Variants in SELP observed in about 807,000 individuals in gnomAD.
SELP encodes the protein P-selectin.
A neutral mutation model predicts 104.1 loss-of-function variants in SELP; 92 were observed. That is an observed-to-expected ratio of 0.88 (90% CI 0.75 to 1.05). The LOEUF is 1.05. Among genes scored for constraint, SELP ranks in the 50% least tolerant of loss-of-function variants. SELP has a pLI of 0.00. For synonymous variants in SELP, 397 were observed against 364.5 expected (o/e 1.09, Z -1.01); for missense variants, 1,022 against 1,017.3 (o/e 1.00, Z -0.06).
chr1:169,607,644 T>C (rs1442211383), intron 8 of SELP, among the ~76,000 whole-genome samples: 7 of 152,164 alleles, frequency 4.6e-5, no homozygotes, highest in Admixed American at 4.6e-4. Context: ...ATATACACCA[T>C]GATCTCAAAG....
At chr1:169,589,830 C>A (rs768811923) in intron 16 of SELP, among the ~76,000 whole-genome samples, 1 of 152,202 alleles carries the variant, frequency 6.6e-6, no homozygotes, top group African/African-American at 2.4e-5. Flanking sequence ...TTTCAGCAGT[C>A]CTGACTTCTG....
intron 9 of SELP, 96 bp from the exon 10 acceptor site, chr1:169,603,307 CTGTGTGTGTGTGTGTGTGTGTG>C (rs3035296): frequency 1.3e-5 from 8 of 605,690 alleles, no homozygotes; most frequent in African/African-American, 1.3e-4. Context: ...CTCTCTCTCT[CTGTGTGTGTGTGTGTGTGTGTG>C]TGTGTGTGTG....
chr1:169,607,351 A>G (rs1040941187), intron 8 of SELP, among the ~76,000 whole-genome samples: 2 of 152,212 alleles, frequency 1.3e-5, no homozygotes, highest in Non-Finnish European at 2.9e-5. Context: ...ACATGTGTCA[A>G]TAATTTTTAA....
chr1:169,614,361 T>C (rs1344186320), intron 3 of SELP, among the ~76,000 whole-genome samples: 1 of 152,066 alleles, frequency 6.6e-6, no homozygotes, highest in African/African-American at 2.4e-5. Context: ...GCGAAGAGAG[T>C]ACTGACTATG....
chr1:169,596,911 A>T, intron 11 of SELP, 80 bp downstream of exon 11: 1 of 1,315,312 alleles, frequency 7.6e-7, no homozygotes, highest in South Asian at 1.6e-5. Context: ...TCTAGTTCAC[A>T]TATAAGAACT....
rs546184179 is a variant in SELP at position 169,626,449 on chromosome 1, C to T, written c.3+3623G>A. ...TACAAAAATTAGCTGGGCATGGTGG[C>T]GCATGCCTGTAATCCCAGCTACTCA... On this transcript the variant is annotated intron_variant, in intron 1 of 16. Coordinates refer to ENST00000263686, the MANE Select transcript of SELP (RefSeq NM_003005.4). Among the ~76,000 whole-genome samples the T allele has an allele frequency of 5.3e-5, 8 of 152,226 alleles. No homozygotes were observed. The South Asian group carries it at 6.2e-4, about 12-fold the overall frequency.
At chr1:169,600,232 A>G (rs1661831126) in intron 10 of SELP, among the ~76,000 whole-genome samples, 1 of 151,826 alleles carries the variant, frequency 6.6e-6, no homozygotes, top group Admixed American at 6.5e-5. Flanking sequence ...CATTCAGAAA[A>G]AAAATAAATT....
At position 169,597,137 on chromosome 1, in the gene SELP, C is replaced by G. The variant is rs1389759218; in HGVS notation, c.1745G>C (p.Ser582Thr). The change falls in exon 11 of 17, where the codon AGC (serine) becomes ACC (threonine). Residue 582 changes from serine to threonine, a missense_variant. Physicochemically the swap from Ser to Thr is moderately conservative, Grantham distance 58 (BLOSUM62 1). Coordinates refer to ENST00000263686, the MANE Select transcript of SELP (RefSeq NM_003005.4). ...CPELFAPEQG[S>T]LDCSDTRGEF... ...TCCACGAGTGTCAGAACAATCCAGG[C>G]TGCCCTGCTCTGGGGCAAAGAGTTC... The G allele has an allele frequency of 6.2e-7, 1 of 1,609,412 alleles. No individual in the cohort carries two copies. The highest frequency in any genetic ancestry group is 8.5e-7 in the Non-Finnish European group (1 of 1,177,630).
At chr1:169,604,509 G>T (rs1273274181) in intron 9 of SELP, among the ~76,000 whole-genome samples, 1 of 152,096 alleles carries the variant, frequency 6.6e-6, no homozygotes, top group Non-Finnish European at 1.5e-5. Flanking sequence ...TGGTGTTTTA[G>T]ACATGAAGTC....
At chr1:169,616,382 C>A (rs994659986) in intron 3 of SELP, among the ~76,000 whole-genome samples, 3 of 152,174 alleles carry the variant, frequency 2.0e-5, no homozygotes, top group African/African-American at 4.8e-5. Flanking sequence ...GTGAAACTGG[C>A]TCCACCATCA....
intron 10 of SELP, among the ~76,000 whole-genome samples, chr1:169,599,869 A>G (rs1661812673): frequency 6.6e-6 from 1 of 152,132 alleles, no homozygotes; most frequent in African/African-American, 2.4e-5. Flanking sequence ...TGGGACTTGG[A>G]ACCAGGACCC....
intron 1 of SELP, among the ~76,000 whole-genome samples, chr1:169,621,279 G>T (rs573060272): frequency 1.9e-3 from 285 of 149,914 alleles, no homozygotes; most frequent in Middle Eastern, 3.6e-3. Context: ...ATGATGTAGG[G>T]TGCATGGGAC....
At chr1:169,601,399 T>C (rs1420256894) in intron 10 of SELP, among the ~76,000 whole-genome samples, 2 of 152,224 alleles carry the variant, frequency 1.3e-5, no homozygotes, top group East Asian at 3.8e-4. Flanking sequence ...GACAAGACTT[T>C]CCTAATGGCA....
At chr1:169,592,898 G>T (rs1039724209) in intron 14 of SELP, among the ~76,000 whole-genome samples, 7 of 152,068 alleles carry the variant, frequency 4.6e-5, no homozygotes, top group African/African-American at 1.7e-4. Flanking sequence ...TCTTCTCATT[G>T]ATTTTACACT....
chr1:169,589,317 G>C lies in SELP; in HGVS notation c.*146C>G, dbSNP rs1280794441. The C allele has an allele frequency of 6.6e-6, 1 of 152,242 alleles. No individual in the cohort carries two copies. The highest frequency in any genetic ancestry group is 1.9e-4 in the East Asian group (1 of 5,200). 9.4% of individuals were successfully genotyped at this position (152,242 alleles called of 1,614,324 possible). On this transcript the variant is annotated 3_prime_UTR_variant, in exon 17 of 17. Transcript: ENST00000263686. The stretch of plus-strand genomic sequence containing the variant: ...TTACAGGAAGAGAAGAGGTGGGACA[G>C]GAAGGGGTGGTAGGTTGAGAATTTG...
chr1:169,611,394 C>G, intron 7 of SELP, 98 bp downstream of exon 7: 1 of 1,266,880 alleles, frequency 7.9e-7, no homozygotes, highest in Non-Finnish European at 1.1e-6. Context: ...AGTGCAAGAA[C>G]TTAGAAGAGA....
Position 169,595,995 on chromosome 1 carries a change from T to A in SELP, c.2031A>T (p.Thr677=). 1 of 1,613,832 alleles carries A rather than the reference T, an allele frequency of 6.2e-7. No individual in the cohort carries two copies. The highest frequency in any genetic ancestry group is 8.5e-7 in the Non-Finnish European group (1 of 1,179,814). Residue 677 remains threonine, a synonymous_variant, in exon 12 of 17, where the codon ACA becomes ACT. Coordinates refer to ENST00000263686, the MANE Select transcript of SELP (RefSeq NM_003005.4). ...AGCTGAGAGTGCTGTCTCCTATGAG[T>A]GTGAATCCAGCGTTGCAGCCAAAGT... ...TCYFGCNAGF[T]LIGDSTLSCR...
In SELP at chr1:169,617,318, T is replaced by C; in HGVS notation, c.191A>G (p.Tyr64Cys). 1 of 1,614,190 alleles carries C rather than the reference T, an allele frequency of 6.2e-7. No homozygotes were observed. The highest frequency in any genetic ancestry group is 1.1e-5 in the South Asian group (1 of 91,086). The change falls in exon 3 of 17, where the codon TAC becomes TGC. Residue 64 changes from tyrosine (Y) to cysteine (C), a missense_variant. Physicochemically the swap from Tyr to Cys is radical, Grantham distance 194 (BLOSUM62 -2). Transcript: ENST00000263686. Reference sequence around the variant, plus strand: ...ATTCTGGATGGCCACTAAGTCTGTGTAGCGATTCTGGCAGTATTTACGGGA... The same window carrying C: ...ATTCTGGATGGCCACTAAGTCTGTGCAGCGATTCTGGCAGTATTTACGGGA... ...NISRKYCQNR[Y>C]TDLVAIQNKN... is the part of the protein sequence containing the mutation.
chr1:169,609,814 C>T, intron 7 of SELP, 125 bp from the exon 8 acceptor site: 6 of 881,206 alleles, frequency 6.8e-6, no homozygotes, highest in Non-Finnish European at 1.0e-5. Flanking sequence ...CTAAAACCTC[C>T]ATTTTCCAAA....
Sources: gnomAD v4.1 joint callset for allele counts (sites outside exome capture counted in the v4.1 genomes callset) on GRCh38, gnomAD v4.1.1 for gene constraint, MANE v1.5 for transcripts, NCBI Gene and HGNC (gene_info 2026-07-23, HGNC 2026-07-21) for gene names.